LRRC37A2: variants seen among roughly 807,000 people sequenced by gnomAD.
LRRC37A2 encodes the protein leucine rich repeat containing 37 member A2.
LRRC37A2 carries 9 observed loss-of-function variants against 68.8 expected under a neutral mutation model. The observed-to-expected ratio is 0.13, with a 90% CI of 0.08 to 0.23. LRRC37A2 has a LOEUF of 0.23. LRRC37A2 is among the 10% of genes least tolerant of loss of function. The pLI is 1.00. For missense variants in LRRC37A2, 168 were observed against 950.4 expected (o/e 0.18, Z 10.82); for synonymous variants, 63 against 367.6 (o/e 0.17, Z 9.48).
At chr17:46,945,755 A>C in the LRRC37A2 span, among the ~76,000 whole-genome samples, 3 of 152,148 alleles carry the variant, frequency 2.0e-5, no homozygotes, top group Non-Finnish European at 4.4e-5. Context: ...GCAGGGACTG[A>C]GGCAGAAGCT....
At chr17:46,872,543 C>T in the LRRC37A2 span, 1 of 1,563,574 alleles carries the variant, frequency 6.4e-7, no homozygotes, top group Non-Finnish European at 8.7e-7. Flanking sequence ...GTCCTGACGC[C>T]CTTCCCAGGA....
At chr17:47,023,886 C>T in the LRRC37A2 span, among the ~76,000 whole-genome samples, 30 of 152,208 alleles carry the variant, frequency 2.0e-4, no homozygotes, top group East Asian at 1.9e-3. Context: ...TGAGCCACCA[C>T]GCCAGGCCAG....
the LRRC37A2 span, among the ~76,000 whole-genome samples, chr17:46,715,992 C>T: frequency 2.0e-5 from 3 of 151,950 alleles, no homozygotes; most frequent in Non-Finnish European, 4.4e-5. Context: ...TTTGGTTTTC[C>T]TTGGGGGAAA....
At chr17:46,739,514 G>T in the LRRC37A2 span, among the ~76,000 whole-genome samples, 1 of 151,720 alleles carries the variant, frequency 6.6e-6, no homozygotes, top group Non-Finnish European at 1.5e-5. Context: ...ACTCCAGCCT[G>T]GGCAACCAGA....
the LRRC37A2 span, chr17:47,018,533 T>C: frequency 2.0e-6 from 3 of 1,520,440 alleles, no homozygotes; most frequent in Non-Finnish European, 2.7e-6. Flanking sequence ...GGTCAGGTAA[T>C]GATGTAGAAC....
At chr17:46,729,075 T>A in the LRRC37A2 span, 1 of 554,098 alleles carries the variant, frequency 1.8e-6, no homozygotes, top group East Asian at 3.0e-5. Context: ...TCGTCCAGTC[T>A]TGACTTCTGT....
chr17:46,896,321 AAGAGAGAAAGAGAG>A, the LRRC37A2 span, among the ~76,000 whole-genome samples: 1 of 150,574 alleles, frequency 6.6e-6, no homozygotes, highest in African/African-American at 2.4e-5. Context: ...GAAAGAAAGA[AAGAGAGAAAGAGAG>A]AGAGAGAAAG....
the LRRC37A2 span, among the ~76,000 whole-genome samples, chr17:46,983,289 CTTTTTTTTTT>C: frequency 7.8e-5 from 6 of 76,868 alleles, no homozygotes; most frequent in African/African-American, 1.0e-4. Context: ...GCCCTTTCTT[CTTTTTTTTTT>C]TTTTTTTTTT....
At chr17:46,732,903 G>C in the LRRC37A2 span, among the ~76,000 whole-genome samples, 1 of 152,188 alleles carries the variant, frequency 6.6e-6, no homozygotes, top group African/African-American at 2.4e-5. Flanking sequence ...CTCCCAGCCT[G>C]CTTCATCTAC....
the LRRC37A2 span, chr17:46,935,229 T>G: frequency 1.9e-6 from 3 of 1,605,472 alleles, no homozygotes. Context: ...TCCAACAGTT[T>G]AGTAACTGTG....
the LRRC37A2 span, among the ~76,000 whole-genome samples, chr17:46,806,201 CTTTTCCTT>C: frequency 5.5e-5 from 7 of 128,408 alleles, no homozygotes; most frequent in South Asian, 5.0e-4. Context: ...TTTTCTTTTT[CTTTTCCTT>C]TTTTTTTTTT....
the LRRC37A2 span, chr17:46,975,607 C>T: frequency 6.6e-6 from 1 of 152,348 alleles, no homozygotes. Context: ...CACCCCTTCT[C>T]AGGACCCCAC....
At chr17:47,008,454 T>C in the LRRC37A2 span, among the ~76,000 whole-genome samples, 2 of 148,790 alleles carry the variant, frequency 1.3e-5, no homozygotes, top group Non-Finnish European at 3.0e-5. Context: ...ATTGGTTTAA[T>C]AGATACTTAT....
chr17:46,795,383 C>T, the LRRC37A2 span, among the ~76,000 whole-genome samples: 780 of 152,260 alleles, frequency 5.1e-3, 4 homozygotes, highest in African/African-American at 0.017. Context: ...TTCTGGGGCT[C>T]CCCTCCGAGG....
At chr17:46,719,560 C>T in the LRRC37A2 span, among the ~76,000 whole-genome samples, 2 of 152,118 alleles carry the variant, frequency 1.3e-5, no homozygotes, top group Non-Finnish European at 1.5e-5. The surrounding 1 kb of genome is among the most constrained non-coding windows in gnomAD (Gnocchi z 4.3). Context: ...ATTGTCCTCA[C>T]GTTCTGGGGG....
At chr17:46,456,215 T>C in the LRRC37A2 span, among the ~76,000 whole-genome samples, 1 of 64,588 alleles carries the variant, frequency 1.5e-5, no homozygotes, top group Admixed American at 1.6e-4. Flanking sequence ...GGGATATGTG[T>C]GTGTGTGTGT....
chr17:46,825,227 C>G, the LRRC37A2 span, among the ~76,000 whole-genome samples: 2 of 152,184 alleles, frequency 1.3e-5, no homozygotes, highest in Non-Finnish European at 2.9e-5. Flanking sequence ...CGGTTTCTCT[C>G]AGTCACCTGG....
At chr17:46,817,556 G>A in the LRRC37A2 span, among the ~76,000 whole-genome samples, 1 of 152,102 alleles carries the variant, frequency 6.6e-6, no homozygotes, top group Non-Finnish European at 1.5e-5. Context: ...GGGGCCGCTC[G>A]GAAAACAAGG....
the LRRC37A2 span, among the ~76,000 whole-genome samples, chr17:47,014,305 G>A: frequency 4.0e-5 from 6 of 150,000 alleles, no homozygotes; most frequent in Non-Finnish European, 7.4e-5. Flanking sequence ...CATGAAAATC[G>A]CTTGAACCCA....
Sources: allele counts gnomAD v4.1 joint callset (sites outside exome capture counted in the v4.1 genomes callset), GRCh38; gene constraint gnomAD v4.1.1; non-coding constraint Gnocchi (gnomAD v3.1); transcripts MANE v1.5; gene names NCBI Gene and HGNC (gene_info 2026-07-23, HGNC 2026-07-21).